MSI2: variants seen among roughly 807,000 people sequenced by gnomAD.
The protein encoded by MSI2 is musashi RNA binding protein 2, also known as RNA-binding protein Musashi homolog 2.
A neutral mutation model predicts 45.6 loss-of-function variants in MSI2; 17 were observed. That is an observed-to-expected ratio of 0.37 (90% confidence interval 0.26 to 0.56). MSI2 has a LOEUF of 0.56. Among genes scored for constraint, MSI2 ranks in the 20% least tolerant of loss-of-function variants. The probability of loss-of-function intolerance (pLI) is 0.77; values close to 1 mark genes in which losing one functional copy is unlikely to be tolerated. For synonymous variants in MSI2, 156 were observed against 158.2 expected, an observed-to-expected ratio of 0.99 and a Z score of 0.11; for missense variants, 293 against 444.2, an observed-to-expected ratio of 0.66 and a Z score of 3.06.
intron 6 of MSI2, among the ~76,000 whole-genome samples, chr17:57,415,655 C>T (rs190917659): frequency 1.7e-4 from 26 of 152,054 alleles, no homozygotes; most frequent in Admixed American, 9.8e-4. Flanking sequence ...GCTCCCCATT[C>T]CCCCCAACAT....
chr17:57,316,048 A>G (rs1028312872), intron 5 of MSI2, among the ~76,000 whole-genome samples: 1 of 152,066 alleles, frequency 6.6e-6, no homozygotes, highest in Non-Finnish European at 1.5e-5. Flanking sequence ...CACCGAGAGA[A>G]TAGAGGTGTT....
intron 6 of MSI2, among the ~76,000 whole-genome samples, chr17:57,500,785 T>C: frequency 2.4e-5 from 2 of 83,598 alleles, no homozygotes; most frequent in East Asian, 3.4e-4. Flanking sequence ...CCACCCTGTC[T>C]CTACCAAAAA....
chr17:57,341,118 G>C lies in MSI2; in HGVS notation c.313-60261G>C, dbSNP rs201356263. 2.6e-5 allele frequency among the ~76,000 whole-genome samples: 4 copies of C among 152,156 alleles called. No homozygotes were observed. The East Asian group carries it at 7.7e-4, about 29-fold the overall frequency. ...TTCTTTTAGAACATGGATGATATGA[G>C]AGTAGAGAGGGGCTCCCCAGTCAGA... On this transcript the variant is annotated intron_variant, in intron 5 of 13. Transcript: ENST00000284073.
At chr17:57,321,163 A>G (rs533501453) in intron 5 of MSI2, among the ~76,000 whole-genome samples, 15 of 152,038 alleles carry the variant, frequency 9.9e-5, no homozygotes, top group Admixed American at 3.3e-4. Flanking sequence ...TAAACCCTCC[A>G]AACGTGGCTC....
chr17:57,665,911 G>A (rs570306058), intron 11 of MSI2, among the ~76,000 whole-genome samples: 18 of 152,318 alleles, frequency 1.2e-4, no homozygotes, highest in Non-Finnish European at 1.8e-4. Flanking sequence ...TCTTTGGGCT[G>A]TGGCGTAGTG....
intron 10 of MSI2, among the ~76,000 whole-genome samples, chr17:57,646,416 T>C (rs894291223): frequency 4.6e-5 from 7 of 152,212 alleles, no homozygotes; most frequent in Non-Finnish European, 7.3e-5. Flanking sequence ...TGGTGACATC[T>C]TTCACTTAGA....
intron 9 of MSI2, among the ~76,000 whole-genome samples, chr17:57,621,115 C>G (rs918467400): frequency 6.6e-6 from 1 of 152,192 alleles, no homozygotes. Flanking sequence ...CTTCTTCCCT[C>G]GAAAGTGGTA....
intron 11 of MSI2, among the ~76,000 whole-genome samples, chr17:57,669,732 A>C (rs1395073123): frequency 6.6e-6 from 1 of 152,132 alleles, no homozygotes; most frequent in Non-Finnish European, 1.5e-5. Context: ...TCCTTTCGGG[A>C]CTAGGGGTTG....
At chr17:57,516,458 C>G (rs893350990) in intron 6 of MSI2, among the ~76,000 whole-genome samples, 6 of 152,114 alleles carry the variant, frequency 3.9e-5, no homozygotes, top group African/African-American at 1.4e-4. Flanking sequence ...TTGCATGCGA[C>G]CCATTGCATC....
In MSI2 at chr17:57,280,861, C is replaced by T. The variant is rs529004538; in HGVS notation, c.312+18669C>T. The stretch of plus-strand genomic sequence containing the variant: ...AACATTTTAATCTTTTTCTTCTAAA[C>T]CCTACTTCGGAGACCACTGCTTTTG... On this transcript the variant is annotated intron_variant, in intron 5 of 13. Transcript: ENST00000284073. This position sits in a 1 kb window ranked among gnomAD's most constrained non-coding sequence, Gnocchi z 4.2. Among the ~76,000 whole-genome samples the T allele has an allele frequency of 6.6e-6, 1 of 151,968 alleles. No homozygotes were observed. The highest frequency in any genetic ancestry group is 2.1e-4 in the South Asian group (1 of 4,810).
chr17:57,688,338 T>C (rs1326159317), downstream of MSI2, among the ~76,000 whole-genome samples: 1 of 152,140 alleles, frequency 6.6e-6, no homozygotes, highest in East Asian at 1.9e-4. Flanking sequence ...GGATGTAAGA[T>C]AAATATACAA....
chr17:57,318,764 T>C (rs904584754), intron 5 of MSI2, among the ~76,000 whole-genome samples: 1 of 152,170 alleles, frequency 6.6e-6, no homozygotes, highest in Non-Finnish European at 1.5e-5. Context: ...TTTCCCCCTT[T>C]TTAATTTTCT....
rs1908936348 is a variant in MSI2 at position 57,627,679 on chromosome 17, T to C, written c.727+376T>C. ...TACCACCCCTTGCCCGCCTCCCCGCTCCCTGTGTCCACCTGCCCAATGTTT... is the reference window on the plus strand; with the variant it reads ...TACCACCCCTTGCCCGCCTCCCCGCCCCCTGTGTCCACCTGCCCAATGTTT... On this transcript the variant is annotated intron_variant, in intron 10 of 13. Coordinates refer to ENST00000284073, the MANE Select transcript of MSI2 (RefSeq NM_138962.4). This position sits in a 1 kb window ranked among gnomAD's most constrained non-coding sequence, Gnocchi z 4.6. The C allele has an allele frequency of 7.3e-6, 2 of 275,240 alleles. No homozygotes were observed. Among genetic ancestry groups the C allele is most frequent in the South Asian group, 9.3e-5 (2 of 21,492 alleles). The allele number at this position is 275,240 out of a possible 1,614,324, so 17.0% of individuals were successfully genotyped here.
chr17:57,539,902 G>C lies in MSI2; in HGVS notation c.454+10178G>C, dbSNP rs79832999. ...CCAAGTTATGACTAGTAAACACGTG[G>C]GGACCTTACACAGCGTGGCAAATGC... On this transcript the variant is annotated intron_variant, in intron 7 of 13. Transcript: ENST00000284073. 4.1e-3 allele frequency among the ~76,000 whole-genome samples: 620 copies of C among 152,250 alleles called. 6 individuals carry two copies. Among genetic ancestry groups the C allele is most frequent in the African/African-American group, 0.014 (586 of 41,538 alleles).
At chr17:57,495,709 C>T (rs1000167325) in intron 6 of MSI2, among the ~76,000 whole-genome samples, 2 of 152,100 alleles carry the variant, frequency 1.3e-5, no homozygotes, top group African/African-American at 4.8e-5. Flanking sequence ...TCCTAGCCCC[C>T]AAACCTTCTC....
chr17:57,322,780 C>T (rs1020684089), intron 5 of MSI2, among the ~76,000 whole-genome samples: 20 of 152,162 alleles, frequency 1.3e-4, no homozygotes, highest in Admixed American at 8.5e-4. Context: ...CTCTGGTCAC[C>T]GACCTGTTCT....
chr17:57,399,376 A>G (rs1014129952), intron 5 of MSI2, among the ~76,000 whole-genome samples: 3 of 152,236 alleles, frequency 2.0e-5, no homozygotes, highest in Admixed American at 6.5e-5. Flanking sequence ...AGTTGTTAGA[A>G]TAATGTCCTC....
At chr17:57,480,991 A>C (rs1306344878) in intron 6 of MSI2, among the ~76,000 whole-genome samples, 1 of 152,204 alleles carries the variant, frequency 6.6e-6, no homozygotes, top group East Asian at 1.9e-4. Context: ...GATGGCATTG[A>C]TAAGGGAGAC....
chr17:57,346,168 A>C (rs953958452), intron 5 of MSI2, among the ~76,000 whole-genome samples: 3 of 152,244 alleles, frequency 2.0e-5, no homozygotes, highest in African/African-American at 7.2e-5. Flanking sequence ...TTATCACCAT[A>C]AAAACATTTT....
Sources: gnomAD v4.1 joint callset for allele counts (sites outside exome capture counted in the v4.1 genomes callset) on GRCh38, gnomAD v4.1.1 for gene constraint, Gnocchi (gnomAD v3.1) non-coding constraint, MANE v1.5 for transcripts, NCBI Gene and HGNC (gene_info 2026-07-23, HGNC 2026-07-21) for gene names.